ZSWIM6: variants seen among roughly 807,000 people sequenced by gnomAD.
The protein encoded by ZSWIM6 is zinc finger SWIM-type containing 6.
In ZSWIM6, 9 loss-of-function variants were observed where a neutral mutation model predicts 113.2. That is an observed-to-expected ratio of 0.08 (90% CI 0.05 to 0.14). The LOEUF (loss-of-function observed/expected upper bound fraction) is 0.14. Ranked by LOEUF, ZSWIM6 falls within the 10% of genes least tolerant of loss-of-function variation. The pLI is 1.00. For synonymous variants in ZSWIM6, 611 were observed against 606.5 expected (o/e 1.01, Z -0.11); for missense variants, 1,162 against 1,552.2 (o/e 0.75, Z 4.22).
At chr5:61,419,723 T>C (rs920525014) in intron 1 of ZSWIM6, among the ~76,000 whole-genome samples, 6 of 152,194 alleles carry the variant, frequency 3.9e-5, no homozygotes, top group African/African-American at 1.2e-4. Flanking sequence ...GTCCACACAA[T>C]GCAAGCCTCT....
chr5:61,351,660 T>A (rs1469013805), intron 1 of ZSWIM6, among the ~76,000 whole-genome samples: 1 of 152,198 alleles, frequency 6.6e-6, no homozygotes, highest in Non-Finnish European at 1.5e-5. Context: ...CCTTGGAAAG[T>A]TGTGGTGATA....
At chr5:61,429,363 G>A (rs929659434) in intron 1 of ZSWIM6, among the ~76,000 whole-genome samples, 12 of 152,192 alleles carry the variant, frequency 7.9e-5, no homozygotes, top group Admixed American at 4.6e-4. Flanking sequence ...TCTGTTTAAG[G>A]TAAGAGGTGA....
At chr5:61,460,057 A>G (rs913500347) in intron 1 of ZSWIM6, among the ~76,000 whole-genome samples, 2 of 152,248 alleles carry the variant, frequency 1.3e-5, no homozygotes, top group African/African-American at 4.8e-5. Flanking sequence ...TTTGTCTGGC[A>G]TTATAAGAAG....
chr5:61,359,838 GA>G (rs939561822), intron 1 of ZSWIM6, among the ~76,000 whole-genome samples: 1 of 151,344 alleles, frequency 6.6e-6, no homozygotes, highest in African/African-American at 2.4e-5. Context: ...CAGGAAAATG[GA>G]AAAAAAACAA....
chr5:61,406,565 T>C (rs918203405), intron 1 of ZSWIM6, among the ~76,000 whole-genome samples: 1 of 152,280 alleles, frequency 6.6e-6, no homozygotes, highest in East Asian at 1.9e-4. Flanking sequence ...GGTAATTTTA[T>C]GAAGTCTCTG....
intron 1 of ZSWIM6, among the ~76,000 whole-genome samples, chr5:61,420,473 T>G (rs1746333108): frequency 6.6e-6 from 1 of 151,664 alleles, no homozygotes; most frequent in Non-Finnish European, 1.5e-5. Context: ...TTTCTAGTAT[T>G]TTTTTTACCA....
intron 1 of ZSWIM6, among the ~76,000 whole-genome samples, chr5:61,385,862 C>G (rs564688992): frequency 6.6e-6 from 1 of 152,244 alleles, no homozygotes; most frequent in African/African-American, 2.4e-5. Flanking sequence ...CTGTTGGTGC[C>G]TGATTGGATT....
intron 1 of ZSWIM6, among the ~76,000 whole-genome samples, chr5:61,400,520 C>A (rs1163735806): frequency 6.6e-6 from 1 of 152,184 alleles, no homozygotes; most frequent in East Asian, 1.9e-4. Flanking sequence ...TTATTGGTTT[C>A]TTTTATAGAC....
chr5:61,511,966 C>T (rs1183237918), intron 4 of ZSWIM6, among the ~76,000 whole-genome samples: 1 of 152,062 alleles, frequency 6.6e-6, no homozygotes, highest in Non-Finnish European at 1.5e-5. Context: ...TTGTACAAGT[C>T]TTACTATACT....
At chr5:61,491,855 T>A (rs571156356) in intron 3 of ZSWIM6, among the ~76,000 whole-genome samples, 1 of 152,158 alleles carries the variant, frequency 6.6e-6, no homozygotes, top group Non-Finnish European at 1.5e-5. Flanking sequence ...ATCCTGTTAC[T>A]GGGTATGGCC....
At chr5:61,355,205 T>C (rs1744873282) in intron 1 of ZSWIM6, among the ~76,000 whole-genome samples, 1 of 152,140 alleles carries the variant, frequency 6.6e-6, no homozygotes, top group South Asian at 2.1e-4. Context: ...TTTAGCTTGG[T>C]AGTTGTGACT....
Position 61,505,264 on chromosome 5 carries a change from TTTTTGCC to T in ZSWIM6, c.1333+10859_1333+10865del, listed in dbSNP as rs1168984768. On this transcript the variant is annotated intron_variant, in intron 4 of 13. Coordinates refer to ENST00000252744, the MANE Select transcript of ZSWIM6 (RefSeq NM_020928.2). ...ACATTCCTTCAGCTATTGACAGTCC[TTTTTGCC>T]TTTTTGTATCTCAAAATAAGAAAGC... 2.6e-5 allele frequency among the ~76,000 whole-genome samples: 4 copies of T among 152,342 alleles called. No homozygotes were observed. In the East Asian group the frequency reaches 7.7e-4, roughly 29 times the overall value.
At chr5:61,420,621 G>A (rs770092365) in intron 1 of ZSWIM6, among the ~76,000 whole-genome samples, 2 of 152,022 alleles carry the variant, frequency 1.3e-5, no homozygotes, top group South Asian at 4.2e-4. Context: ...GGAGGTGCAC[G>A]TTAGAACAAT....
intron 1 of ZSWIM6, among the ~76,000 whole-genome samples, chr5:61,460,938 G>T (rs539514380): frequency 2.6e-5 from 4 of 151,510 alleles, no homozygotes; most frequent in African/African-American, 9.7e-5. Context: ...TATGTATTTT[G>T]AGATTTCTTT....
intron 1 of ZSWIM6, among the ~76,000 whole-genome samples, chr5:61,426,197 A>G (rs1191793523): frequency 3.9e-5 from 6 of 152,356 alleles, no homozygotes; most frequent in Admixed American, 1.3e-4. Flanking sequence ...TCACAGTACT[A>G]TTTAAATATA....
chr5:61,543,913 C>T lies in ZSWIM6; in HGVS notation c.3244C>T (p.Leu1082Phe). The T allele has an allele frequency of 1.9e-6, 3 of 1,551,888 alleles. No homozygotes were observed. The East Asian group carries it at 7.3e-5, about 38-fold the overall frequency. The change falls in exon 14 of 14, where the codon CTT becomes TTT. Residue 1082 changes from leucine to phenylalanine, a missense_variant. By Grantham distance (22) the Leu-to-Phe change is conservative. Around this residue, in one of 4 missense-constraint regions of ZSWIM6, gnomAD observed 113 missense variants for 213.8 expected, o/e 0.53. Coordinates refer to ENST00000252744, the MANE Select transcript of ZSWIM6 (RefSeq NM_020928.2). The surrounding 1 kb of genome is among the most constrained non-coding windows in gnomAD (Gnocchi z 4.3). ...VLWACALSHS[L>F]GKNELAAIIP... ...GTGGGCCTGTGCGCTTAGCCACTCCCTTGGTAAAAATGAGCTTGCAGCTAT... is the reference window on the plus strand; with the variant it reads ...GTGGGCCTGTGCGCTTAGCCACTCCTTTGGTAAAAATGAGCTTGCAGCTAT...
At chr5:61,512,445 G>A (rs984271659) in intron 4 of ZSWIM6, among the ~76,000 whole-genome samples, 12 of 152,068 alleles carry the variant, frequency 7.9e-5, no homozygotes, top group African/African-American at 2.9e-4. Flanking sequence ...AAGTTTTTGT[G>A]TGAACATAAA....
At chr5:61,363,908 C>G (rs2112056850) in intron 1 of ZSWIM6, among the ~76,000 whole-genome samples, 1 of 149,604 alleles carries the variant, frequency 6.7e-6, no homozygotes, top group Admixed American at 6.7e-5. Context: ...CTCCTTCCTT[C>G]CTTCCATTCT....
At chr5:61,441,254 T>C (rs1746827968) in intron 1 of ZSWIM6, among the ~76,000 whole-genome samples, 1 of 152,176 alleles carries the variant, frequency 6.6e-6, no homozygotes, top group South Asian at 2.1e-4. Flanking sequence ...CCTTTTTTTC[T>C]CTCAGCCAAG....
Sources: allele counts gnomAD v4.1 joint callset (sites outside exome capture counted in the v4.1 genomes callset), GRCh38; gene constraint gnomAD v4.1.1; regional missense constraint gnomAD v4.1.1; non-coding constraint Gnocchi (gnomAD v3.1); transcripts MANE v1.5; gene names NCBI Gene and HGNC (gene_info 2026-07-23, HGNC 2026-07-21).